FGF14: variants seen among roughly 807,000 people sequenced by gnomAD.
The protein encoded by FGF14 is fibroblast growth factor 14.
In FGF14, 5 loss-of-function variants were observed where a neutral mutation model predicts 25.5. The ratio of observed to expected loss-of-function variants is 0.20; its 90% confidence interval spans 0.10 to 0.41. The LOEUF (loss-of-function observed/expected upper bound fraction) is 0.41. Ranked by LOEUF, FGF14 falls within the 10% of genes least tolerant of loss-of-function variation. FGF14 has a pLI of 1.00. For synonymous variants in FGF14, 138 were observed against 118.3 expected (o/e 1.17, Z -1.08); for missense variants, 222 against 320.1 (o/e 0.69, Z 2.34).
chr13:101,912,053 G>A (rs1362139601), intron 1 of FGF14, among the ~76,000 whole-genome samples: 6 of 150,550 alleles, frequency 4.0e-5, no homozygotes, highest in South Asian at 2.1e-4. Flanking sequence ...TTTCTGAGAC[G>A]GTAGACACTT....
chr13:101,872,266 G>A (rs1201013556), intron 2 of FGF14, among the ~76,000 whole-genome samples: 1 of 150,454 alleles, frequency 6.6e-6, no homozygotes, highest in African/African-American at 2.4e-5. Context: ...ATGGAAACAT[G>A]TTTATGAATG....
intron 1 of FGF14, among the ~76,000 whole-genome samples, chr13:101,972,758 C>T (rs116595621): frequency 0.012 from 1,767 of 152,332 alleles, 39 homozygotes; most frequent in African/African-American, 0.041. Flanking sequence ...ATCCTCCCGC[C>T]TCTGCCTCCC....
At chr13:102,076,636 G>A (rs561772875) in intron 1 of FGF14, among the ~76,000 whole-genome samples, 1 of 151,918 alleles carries the variant, frequency 6.6e-6, no homozygotes, top group Non-Finnish European at 1.5e-5. Flanking sequence ...ACAAATAAAT[G>A]GAAGACACAA....
At chr13:102,264,011 C>CTTTT (rs5806287) in intron 1 of FGF14, among the ~76,000 whole-genome samples, 4 of 144,272 alleles carry the variant, frequency 2.8e-5, no homozygotes, top group African/African-American at 7.7e-5. Flanking sequence ...TTTCTCTTTC[C>CTTTT]TTTTTTTTTT....
At chr13:101,724,597 A>AATTTATATATATAT in intron 4 of FGF14, among the ~76,000 whole-genome samples, 1 of 121,282 alleles carries the variant, frequency 8.2e-6, no homozygotes, top group South Asian at 2.8e-4. Flanking sequence ...ATAATAATAA[A>AATTTATATATATAT]ATATATATAT....
At chr13:102,123,401 A>C (rs1197313276) in intron 1 of FGF14, among the ~76,000 whole-genome samples, 1 of 152,232 alleles carries the variant, frequency 6.6e-6, no homozygotes, top group African/African-American at 2.4e-5. Flanking sequence ...AAAAGCATTC[A>C]AGCAATTAAT....
chr13:101,932,696 T>A (rs950946667), intron 1 of FGF14, among the ~76,000 whole-genome samples: 3 of 150,858 alleles, frequency 2.0e-5, no homozygotes, highest in Admixed American at 2.0e-4. Flanking sequence ...AATGAAGTTA[T>A]CTGTCAGTCG....
chr13:101,958,898 T>A (rs565876520), intron 1 of FGF14, among the ~76,000 whole-genome samples: 2 of 152,190 alleles, frequency 1.3e-5, no homozygotes, highest in Admixed American at 6.5e-5. Context: ...CTTTATCAAT[T>A]GCATTTCTAT....
At chr13:102,043,512 A>G (rs900208670) in intron 1 of FGF14, among the ~76,000 whole-genome samples, 18 of 152,204 alleles carry the variant, frequency 1.2e-4, no homozygotes, top group African/African-American at 4.3e-4. Flanking sequence ...ACAGTGGATG[A>G]AAGTGGAACA....
At chr13:101,885,482 C>T (rs1174947077) in intron 1 of FGF14, among the ~76,000 whole-genome samples, 2 of 152,090 alleles carry the variant, frequency 1.3e-5, no homozygotes, top group African/African-American at 2.4e-5. Context: ...GCTTTGGCAT[C>T]AGAGCCATAC....
chr13:102,144,385 G>A (rs1268556080), intron 1 of FGF14, among the ~76,000 whole-genome samples: 1 of 151,838 alleles, frequency 6.6e-6, no homozygotes, highest in African/African-American at 2.4e-5. Context: ...AGAAATAAAT[G>A]GAAGTACATA....
intron 1 of FGF14, among the ~76,000 whole-genome samples, chr13:102,107,302 A>G (rs2044972769): frequency 6.6e-6 from 1 of 152,218 alleles, no homozygotes; most frequent in African/African-American, 2.4e-5. Context: ...GTGCCACAGT[A>G]TTTAAAGCTC....
At chr13:101,893,449 C>A (rs184097576) in intron 1 of FGF14, among the ~76,000 whole-genome samples, 1 of 152,140 alleles carries the variant, frequency 6.6e-6, no homozygotes, top group Non-Finnish European at 1.5e-5. Flanking sequence ...CATTCTTATA[C>A]CTGAAGTGTG....
At chr13:101,724,593 A>G (rs1289769556) in intron 4 of FGF14, among the ~76,000 whole-genome samples, 2 of 48,626 alleles carry the variant, frequency 4.1e-5, no homozygotes, top group Non-Finnish European at 8.8e-5. Flanking sequence ...AAGTATAATA[A>G]TAAAATATAT....
intron 1 of FGF14, among the ~76,000 whole-genome samples, chr13:102,344,523 G>T (rs1004284734): frequency 2.6e-5 from 4 of 152,202 alleles, no homozygotes; most frequent in African/African-American, 9.7e-5. Flanking sequence ...TAGTCCAAGA[G>T]TATTATCTGT....
chr13:102,310,545 C>CT (rs2055675890), intron 1 of FGF14, among the ~76,000 whole-genome samples: 1 of 151,952 alleles, frequency 6.6e-6, no homozygotes, highest in Non-Finnish European at 1.5e-5. Flanking sequence ...TTGTATCTGT[C>CT]TTCAGAGTTT....
intron 1 of FGF14, among the ~76,000 whole-genome samples, chr13:101,952,423 T>TC (rs2036229143): frequency 6.6e-6 from 1 of 152,064 alleles, no homozygotes; most frequent in Non-Finnish European, 1.5e-5. Context: ...CTTTTTTTTT[T>TC]TTCTGTCTTT....
At chr13:102,228,650 C>T (rs143439200) in intron 1 of FGF14, among the ~76,000 whole-genome samples, 29 of 152,172 alleles carry the variant, frequency 1.9e-4, no homozygotes, top group Non-Finnish European at 3.7e-4. Context: ...GAAAGTACCC[C>T]GAGGAGTTGG....
chr13:101,832,254 G>A (rs1039294410), intron 3 of FGF14, among the ~76,000 whole-genome samples: 1 of 152,026 alleles, frequency 6.6e-6, no homozygotes, highest in African/African-American at 2.4e-5. Flanking sequence ...TATTCTCTAA[G>A]TGCTCCAGAG....
Sources: allele counts gnomAD v4.1 joint callset (sites outside exome capture counted in the v4.1 genomes callset), GRCh38; gene constraint gnomAD v4.1.1; transcripts MANE v1.5; gene names NCBI Gene and HGNC (gene_info 2026-07-23, HGNC 2026-07-21).